FAM120A: variants seen among roughly 807,000 people sequenced by gnomAD.
FAM120A encodes the protein constitutive coactivator of PPAR-gamma-like protein 1.
A neutral mutation model predicts 109.7 loss-of-function variants in FAM120A; 15 were observed. The ratio of observed to expected loss-of-function variants is 0.14; its 90% confidence interval spans 0.09 to 0.21. FAM120A has a LOEUF of 0.21. Ranked by LOEUF, FAM120A falls within the 10% of genes least tolerant of loss-of-function variation. The pLI is 1.00. For missense variants in FAM120A, 899 were observed against 1,439.3 expected, an observed-to-expected ratio of 0.62 and a Z score of 6.07; for synonymous variants, 493 against 572.8, an observed-to-expected ratio of 0.86 and a Z score of 1.99.
chr9:93,505,672 T>C (rs1860020136), intron 5 of FAM120A, among the ~76,000 whole-genome samples: 1 of 152,232 alleles, frequency 6.6e-6, no homozygotes, highest in South Asian at 2.1e-4. Flanking sequence ...TGACACGCAA[T>C]AGGCTGTGTG....
intron 7 of FAM120A, among the ~76,000 whole-genome samples, chr9:93,520,029 A>T (rs1860780001): frequency 6.6e-6 from 1 of 152,002 alleles, no homozygotes; most frequent in African/African-American, 2.4e-5. Context: ...ATGTTCCACC[A>T]CACCCAGCTA....
intron 3 of FAM120A, among the ~76,000 whole-genome samples, chr9:93,492,363 A>G (rs1286423117): frequency 6.6e-6 from 1 of 152,138 alleles, no homozygotes; most frequent in African/African-American, 2.4e-5. Context: ...CAACTCTCCA[A>G]TCTATCTTCT....
intron 5 of FAM120A, among the ~76,000 whole-genome samples, chr9:93,512,917 G>A (rs1291592036): frequency 6.6e-6 from 1 of 152,138 alleles, no homozygotes; most frequent in African/African-American, 2.4e-5. Context: ...GAATTCTTTG[G>A]TTTTATGCTG....
intron 7 of FAM120A, among the ~76,000 whole-genome samples, chr9:93,523,762 C>T (rs1860947541): frequency 1.3e-5 from 2 of 152,228 alleles, no homozygotes; most frequent in South Asian, 4.1e-4. Context: ...TTTGAGCCAT[C>T]ATCTGACTGC....
rs116827329 is a variant in FAM120A at position 93,494,867 on chromosome 9, G to A, written c.805-2604G>A. ...GCACGGGTGACATTAGGCCACCACA[G>A]GCTTGGGGTGCTAGCCACATCTTGG... On this transcript the variant is annotated intron_variant, in intron 3 of 17. Transcript: ENST00000277165. Among the ~76,000 whole-genome samples the A allele has an allele frequency of 1.2e-3, 187 of 152,304 alleles. 2 individuals carry two copies. The highest frequency in any genetic ancestry group is 4.4e-3 in the African/African-American group (181 of 41,564).
At chr9:93,526,934 C>CT (rs1861108345) in intron 7 of FAM120A, among the ~76,000 whole-genome samples, 1 of 152,184 alleles carries the variant, frequency 6.6e-6, no homozygotes, top group Non-Finnish European at 1.5e-5. Context: ...GGTGACTCCT[C>CT]TAAGTTAGGT....
At chr9:93,458,656 C>T (rs1347137484) in intron 1 of FAM120A, among the ~76,000 whole-genome samples, 1 of 152,064 alleles carries the variant, frequency 6.6e-6, no homozygotes, top group South Asian at 2.1e-4. Context: ...TTAAAAATAA[C>T]GGAGTAAAAT....
Position 93,452,940 on chromosome 9 carries a change from G to T in FAM120A, c.474+551G>T. 7.1e-7 allele frequency: 1 copy of T among 1,402,408 alleles called. No individual in the cohort carries two copies. The highest frequency in any genetic ancestry group is 2.7e-5 in the East Asian group (1 of 36,756). 86.9% of individuals were successfully genotyped at this position (1,402,408 alleles called of 1,614,324 possible). ...CAGCGAGACGTGTCTAAGGGCCAGTGCCCTGGCCTCTACTTCAGAACGCAG... is the reference window on the plus strand; with the variant it reads ...CAGCGAGACGTGTCTAAGGGCCAGTTCCCTGGCCTCTACTTCAGAACGCAG... On this transcript the variant is annotated intron_variant, in intron 1 of 17. Coordinates refer to ENST00000277165, the MANE Select transcript of FAM120A (RefSeq NM_014612.5). This position sits in a 1 kb window ranked among gnomAD's most constrained non-coding sequence, Gnocchi z 7.0.
chr9:93,556,869 G>A (rs569358421), intron 13 of FAM120A, among the ~76,000 whole-genome samples: 88 of 152,252 alleles, frequency 5.8e-4, no homozygotes, highest in South Asian at 3.7e-3. Flanking sequence ...GGCAATACAA[G>A]GTGCTGGGTT....
intron 7 of FAM120A, 144 bp from the exon 8 acceptor site, chr9:93,527,011 G>GTA (rs1177517355): frequency 1.5e-6 from 1 of 647,292 alleles, no homozygotes; most frequent in African/African-American, 1.8e-5. Flanking sequence ...AGAAATATTA[G>GTA]TATAATAGAG....
chr9:93,522,056 G>C (rs1357346565), intron 7 of FAM120A, among the ~76,000 whole-genome samples: 1 of 152,148 alleles, frequency 6.6e-6, no homozygotes, highest in Non-Finnish European at 1.5e-5. Context: ...CTCCAGCCTG[G>C]GCAACGGAGT....
intron 1 of FAM120A, among the ~76,000 whole-genome samples, chr9:93,460,822 A>G (rs1212741761): frequency 6.6e-6 from 1 of 152,204 alleles, no homozygotes; most frequent in Non-Finnish European, 1.5e-5. Flanking sequence ...AGAAGTTTTA[A>G]AGTCCCCCTA....
Position 93,558,606 on chromosome 9 carries a change from T to C in FAM120A, c.2694T>C (p.Tyr898=), listed in dbSNP as rs745761999. Residue 898 remains tyrosine (Y), a synonymous_variant, in exon 15 of 18, where the codon TAT becomes TAC. Transcript: ENST00000277165. The part of the protein sequence containing the change: ...FAGVCGFGGP[Y]GETVATGPYR... ...GCGTCTGTGGCTTTGGAGGCCCCTA[T>C]GGGGAAACGGTAGCAACAGGCCCTT... The C allele has an allele frequency of 9.9e-6, 16 of 1,614,070 alleles. No individual in the cohort carries two copies. Among genetic ancestry groups the C allele is most frequent in the African/African-American group, 2.7e-5 (2 of 74,948 alleles).
At chr9:93,549,912 C>G (rs1030257424) in intron 11 of FAM120A, among the ~76,000 whole-genome samples, 1 of 152,166 alleles carries the variant, frequency 6.6e-6, no homozygotes, top group Non-Finnish European at 1.5e-5. Context: ...GTGATTCAGG[C>G]AGTGCTGTTA....
intron 3 of FAM120A, among the ~76,000 whole-genome samples, chr9:93,494,506 G>T (rs544472531): frequency 6.6e-6 from 1 of 152,260 alleles, no homozygotes; most frequent in East Asian, 1.9e-4. Context: ...AGCATTCGTG[G>T]CCTGTTCCAT....
At chr9:93,541,678 CA>C (rs1426920526) in intron 10 of FAM120A, among the ~76,000 whole-genome samples, 1 of 152,080 alleles carries the variant, frequency 6.6e-6, no homozygotes, top group Non-Finnish European at 1.5e-5. Flanking sequence ...AGAGCAGTAA[CA>C]TTTTTGTAAA....
At chr9:93,508,354 G>C (rs1220735299) in intron 5 of FAM120A, among the ~76,000 whole-genome samples, 2 of 152,300 alleles carry the variant, frequency 1.3e-5, no homozygotes, top group East Asian at 3.9e-4. Flanking sequence ...TGCTTGGGAA[G>C]GGCCCCGTGG....
At chr9:93,519,484 C>G (rs1474989408) in intron 7 of FAM120A, among the ~76,000 whole-genome samples, 1 of 152,120 alleles carries the variant, frequency 6.6e-6, no homozygotes, top group Non-Finnish European at 1.5e-5. Context: ...CTCAGGTGAT[C>G]CCCCCACCTC....
rs1429952337 is a variant in FAM120A, at chr9:93,498,260, G to T, written c.934-530G>T. Among the ~76,000 whole-genome samples, 1 of 152,228 alleles carries T rather than the reference G, an allele frequency of 6.6e-6. No individual in the cohort carries two copies. Among genetic ancestry groups the T allele is most frequent in the Non-Finnish European group, 1.5e-5 (1 of 68,042 alleles). Reference sequence around the variant, plus strand: ...ATACAAAAATTAGCCAGGCGTGGTGGTGGGCGCCTGTAATGCCAGCTACTC... The same window carrying T: ...ATACAAAAATTAGCCAGGCGTGGTGTTGGGCGCCTGTAATGCCAGCTACTC... On this transcript the variant is annotated intron_variant, in intron 4 of 17. Transcript: ENST00000277165. The surrounding 1 kb of genome is among the most constrained non-coding windows in gnomAD (Gnocchi z 4.4).
Sources: gnomAD v4.1 joint callset for allele counts (sites outside exome capture counted in the v4.1 genomes callset) on GRCh38, gnomAD v4.1.1 for gene constraint, Gnocchi (gnomAD v3.1) non-coding constraint, MANE v1.5 for transcripts, NCBI Gene and HGNC (gene_info 2026-07-23, HGNC 2026-07-21) for gene names.